The following TVP23A variants were observed in gnomAD, a reference collection of about 807,000 sequenced individuals.
The protein encoded by TVP23A is Golgi apparatus membrane protein TVP23 homolog A.
TVP23A carries 21 observed loss-of-function variants against 31.7 expected under a neutral mutation model. The ratio of observed to expected loss-of-function variants is 0.66; its 90% CI spans 0.47 to 0.95. The LOEUF (loss-of-function observed/expected upper bound fraction) is 0.95. TVP23A is among the 40% of genes least tolerant of loss of function. The probability of loss-of-function intolerance (pLI) is 0.00; values close to 1 mark genes in which losing one functional copy is unlikely to be tolerated. For synonymous variants in TVP23A, 104 were observed against 96.0 expected (o/e 1.08, Z -0.49); for missense variants, 279 against 255.6 (o/e 1.09, Z -0.62).
In TVP23A at chr16:10,771,730, TC is replaced by T. The variant is rs771294224; in HGVS notation, c.521del (p.Gly174GlufsTer43). 1 of 1,611,670 alleles carries T rather than the reference TC, an allele frequency of 6.2e-7. No individual in the cohort carries two copies. Among genetic ancestry groups the T allele is most frequent in the Non-Finnish European group, 8.5e-7 (1 of 1,178,962 alleles). ...TGACCTTGCCAATGTCACTGTTGCC[TC>T]CCATCTTACAAAGGATGTAGCCATA... ...NLYGYILCKMGGNSDIGKVTA... is the reference protein window; with the variant it reads ...NLYGYILCKMXGNSDIGKVTA... On this transcript the variant is annotated frameshift_variant, in exon 6 of 8. Coordinates refer to ENST00000299866, the MANE Select transcript of TVP23A (RefSeq NM_001079512.4). LOFTEE classifies it high-confidence loss of function.
At chr16:10,800,353 A>G (rs2033638027) in intron 2 of TVP23A, 1 of 152,320 alleles carries the variant, frequency 6.6e-6, no homozygotes, top group African/African-American at 2.4e-5. Context: ...AAAATGGAGA[A>G]AGAATCTTGT....
intron 2 of TVP23A, among the ~76,000 whole-genome samples, chr16:10,814,871 G>A (rs972459455): frequency 6.6e-6 from 1 of 151,850 alleles, no homozygotes; most frequent in Non-Finnish European, 1.5e-5. Context: ...GTTGCTAAGT[G>A]CTGCAGGGTC....
At chr16:10,810,898 C>T (rs998174107) in intron 2 of TVP23A, among the ~76,000 whole-genome samples, 1 of 152,180 alleles carries the variant, frequency 6.6e-6, no homozygotes, top group Admixed American at 6.5e-5. Context: ...GATGGCAGAT[C>T]GTGGGACTTC....
chr16:10,757,772 G>A (rs1900656909), downstream of TVP23A: 2 of 1,457,186 alleles, frequency 1.4e-6, no homozygotes, highest in Non-Finnish European at 1.9e-6. The surrounding 1 kb of genome is among the most constrained non-coding windows in gnomAD (Gnocchi z 4.1). Flanking sequence ...GAGCCAACCT[G>A]GGCAACATAG....
intron 2 of TVP23A, among the ~76,000 whole-genome samples, chr16:10,780,256 T>C (rs1166409143): frequency 6.6e-6 from 1 of 152,198 alleles, no homozygotes; most frequent in Non-Finnish European, 1.5e-5. Context: ...TACCCTTATC[T>C]TGTCTCCTGC....
At chr16:10,769,382 A>G in intron 7 of TVP23A, 1 of 391,296 alleles carries the variant, frequency 2.6e-6, no homozygotes, top group Non-Finnish European at 4.6e-6. Context: ...GTAAAAAACA[A>G]ATGGGTTGTG....
chr16:10,801,754 T>C (rs1401825321), intron 2 of TVP23A, among the ~76,000 whole-genome samples: 3 of 152,114 alleles, frequency 2.0e-5, no homozygotes, highest in Non-Finnish European at 2.9e-5. Flanking sequence ...AGCCTCTGGA[T>C]TGAATCTCGA....
In TVP23A at chr16:10,777,183, G is replaced by A. The variant is rs748143912; in HGVS notation, c.90-2087C>T. 2.0e-5 allele frequency among the ~76,000 whole-genome samples: 3 copies of A among 152,134 alleles called. No homozygotes were observed. The highest frequency in any genetic ancestry group is 7.2e-5 in the African/African-American group (3 of 41,414). ...CACCTCAGGGCAGGGGAGGAAAAGG[G>A]AGGGATGAAAGGGACTCTTCCCAGC... On this transcript the variant is annotated intron_variant, in intron 2 of 7. Transcript: ENST00000299866. This position sits in a 1 kb window ranked among gnomAD's most constrained non-coding sequence, Gnocchi z 4.5.
intron 2 of TVP23A, among the ~76,000 whole-genome samples, chr16:10,776,936 G>C (rs2032066244): frequency 1.3e-5 from 2 of 152,156 alleles, no homozygotes; most frequent in African/African-American, 4.8e-5. Flanking sequence ...CTTGGTTTTG[G>C]TGGGTTTTAG....
chr16:10,763,340 G>C (rs1024330969), downstream of TVP23A, among the ~76,000 whole-genome samples: 3 of 152,044 alleles, frequency 2.0e-5, no homozygotes, highest in Non-Finnish European at 4.4e-5. Context: ...TGGCTGCCTC[G>C]AGGAAGTGGT....
At chr16:10,801,878 T>C (rs2033710289) in intron 2 of TVP23A, among the ~76,000 whole-genome samples, 1 of 152,080 alleles carries the variant, frequency 6.6e-6, no homozygotes, top group Non-Finnish European at 1.5e-5. Flanking sequence ...TTTCTTACAG[T>C]ACACATTGAT....
At chr16:10,813,999 CAAAAAAAAAAAAA>C (rs201277067) in intron 2 of TVP23A, among the ~76,000 whole-genome samples, 12 of 49,530 alleles carry the variant, frequency 2.4e-4, no homozygotes, top group East Asian at 2.3e-3. Flanking sequence ...AACTCCATCT[CAAAAAAAAAAAAA>C]AAAAAAAAAA....
intron 2 of TVP23A, among the ~76,000 whole-genome samples, chr16:10,797,458 A>G (rs2033451243): frequency 6.6e-6 from 1 of 151,964 alleles, no homozygotes; most frequent in Non-Finnish European, 1.5e-5. Context: ...AGGCTGAGAC[A>G]GGAGAATCGC....
rs143526667 is a variant in TVP23A, at chr16:10,774,151, T to G, written c.235-23A>C. Reference sequence around the variant, plus strand: ...ATTCTGAGAACAATAGACAAAGGACTCTGAGCAGGTCACAGGCAAAGAGGC... The same window carrying G: ...ATTCTGAGAACAATAGACAAAGGACGCTGAGCAGGTCACAGGCAAAGAGGC... On this transcript the variant is annotated intron_variant, in intron 3 of 7. Coordinates refer to ENST00000299866, the MANE Select transcript of TVP23A (RefSeq NM_001079512.4). 1,225 of 1,572,386 alleles carry G rather than the reference T, an allele frequency of 7.8e-4. 9 individuals carry two copies. In the African/African-American group the frequency reaches 0.015, roughly 19 times the overall value.
rs34302519 is a variant in TVP23A at position 10,801,467 on chromosome 16, CT to C, written c.89+16635del. 3.5e-3 allele frequency among the ~76,000 whole-genome samples: 526 copies of C among 149,520 alleles called. 1 individual carries two copies. The highest frequency in any genetic ancestry group is 0.012 in the African/African-American group (492 of 40,856). On this transcript the variant is annotated intron_variant, in intron 2 of 7. Transcript: ENST00000299866. ...CAATGGAGATCCTGGATTGAGTCTTCTTTTTTTTTTCCTGAGTCTCGCTCTG... is the reference window on the plus strand; with the variant it reads ...CAATGGAGATCCTGGATTGAGTCTTCTTTTTTTTTCCTGAGTCTCGCTCTG...
chr16:10,775,422 C>T (rs2031942418), intron 2 of TVP23A: 1 of 1,115,766 alleles, frequency 9.0e-7, no homozygotes, highest in Non-Finnish European at 1.1e-6. Context: ...TGCCTTCCCG[C>T]CTAGCAGAGA....
chr16:10,803,198 C>G (rs2033783940), intron 2 of TVP23A, among the ~76,000 whole-genome samples: 1 of 150,626 alleles, frequency 6.6e-6, no homozygotes, highest in Non-Finnish European at 1.5e-5. Flanking sequence ...GCAGGAGAAT[C>G]ACTTGAACCC....
downstream of TVP23A, chr16:10,760,806 GAAC>G (rs1567260952): frequency 1.3e-5 from 2 of 152,390 alleles, no homozygotes; most frequent in African/African-American, 4.8e-5. Flanking sequence ...ATAGCACCTC[GAAC>G]AAACAGGGCT....
At position 10,774,050 on chromosome 16, in the gene TVP23A, C is replaced by G; in HGVS notation, c.313G>C (p.Glu105Gln). 6.2e-7 allele frequency: 1 copy of G among 1,611,276 alleles called. No homozygotes were observed. Among genetic ancestry groups the G allele is most frequent in the South Asian group, 1.1e-5 (1 of 90,154 alleles). The change falls in exon 4 of 8, where the codon GAA becomes CAA. Residue 105 changes from glutamate (E) to glutamine (Q), a missense_variant. By Grantham distance (29) the Glu-to-Gln change is conservative. Transcript: ENST00000299866. ...DEDGKSHWIF[E>Q]ARKVSPNSIA... The stretch of plus-strand genomic sequence containing the variant: ...GTCATGGAGAATACCTTCCTGGCTT[C>G]AAAGATCCAGTGGCTCTTCCCATCT...
Sources: allele counts gnomAD v4.1 joint callset (sites outside exome capture counted in the v4.1 genomes callset), GRCh38; gene constraint gnomAD v4.1.1; non-coding constraint Gnocchi (gnomAD v3.1); transcripts MANE v1.5; gene names NCBI Gene and HGNC (gene_info 2026-07-23, HGNC 2026-07-21).